The following SLC5A7 variants were observed in gnomAD, a reference collection of about 807,000 sequenced individuals.
SLC5A7 encodes high affinity choline transporter 1.
SLC5A7 carries 19 observed loss-of-function variants against 55.4 expected under a neutral mutation model. That is an observed-to-expected ratio of 0.34 (90% CI 0.24 to 0.50). SLC5A7 has a LOEUF of 0.50. Among genes scored for constraint, SLC5A7 ranks in the 20% least tolerant of loss-of-function variants. The probability of loss-of-function intolerance (pLI) is 0.98; values close to 1 mark genes in which losing one functional copy is unlikely to be tolerated. For missense variants in SLC5A7, 506 were observed against 705.3 expected (o/e 0.72, Z 3.20); for synonymous variants, 265 against 263.7 (o/e 1.00, Z -0.05).
intron 7 of SLC5A7, 61 bp downstream of exon 7, chr2:108,006,263 C>A: frequency 6.3e-7 from 1 of 1,584,584 alleles, no homozygotes. Flanking sequence ...ACCCAGACAC[C>A]CTTCTGTCCC....
chr2:107,991,472 G>T (rs186603258), intron 2 of SLC5A7, among the ~76,000 whole-genome samples: 13 of 152,200 alleles, frequency 8.5e-5, no homozygotes, highest in Admixed American at 5.9e-4. Flanking sequence ...ATAACTTAAG[G>T]TAGTAAGTAC....
intron 6 of SLC5A7, among the ~76,000 whole-genome samples, chr2:108,002,854 T>A (rs1021472724): frequency 3.1e-3 from 465 of 151,548 alleles, no homozygotes; most frequent in African/African-American, 0.011. Flanking sequence ...CCCATCTCTA[T>A]AAAAAAAAAT....
In SLC5A7 at chr2:107,988,274, A is replaced by C. The variant is rs770628227; in HGVS notation, c.119A>C (p.Glu40Ala). 3.8e-5 allele frequency: 61 copies of C among 1,614,072 alleles called. No homozygotes were observed. The highest frequency in any genetic ancestry group is 5.1e-5 in the Non-Finnish European group (60 of 1,180,024). The change falls in exon 2 of 9, where the codon GAA (glutamate) becomes GCA (alanine). Residue 40 changes from glutamate (E) to alanine (A), a missense_variant. By Grantham distance (107) the Glu-to-Ala change is moderately radical. Around this residue, in one of 4 missense-constraint regions of SLC5A7, gnomAD observed 56 missense variants for 62.6 expected, o/e 0.89. Transcript: ENST00000264047. The part of the protein sequence containing the change: ...KNSGSAEERS[E>A]AIIVGGRDIG... ...AGTGGCAGCGCAGAAGAGCGCAGCG[A>C]AGCCATCATAGTTGGTGGCCGAGAT...
intron 5 of SLC5A7, among the ~76,000 whole-genome samples, chr2:107,999,721 C>T (rs562500093): frequency 1.3e-5 from 2 of 152,286 alleles, no homozygotes; most frequent in African/African-American, 4.8e-5. Flanking sequence ...ATCATCACCC[C>T]TGGAGCTCCA....
rs748131882 is a variant in SLC5A7 at position 108,008,514 on chromosome 2, G to T, written c.945G>T (p.Glu315Asp). The change falls in exon 8 of 9, where the codon GAG (glutamate) becomes GAT (aspartate). Residue 315 changes from glutamate to aspartate, a missense_variant. By Grantham distance (45) the Glu-to-Asp change is conservative (BLOSUM62 2). Coordinates refer to ENST00000264047, the MANE Select transcript of SLC5A7 (RefSeq NM_021815.5). ...TTCCAGATCCCAAGACTACAGAAGA[G>T]GCAGACATGATTTTACCAATTGTTC... is the stretch of plus-strand genomic sequence containing the variant. ...YGLPDPKTTE[E>D]ADMILPIVLQ... 2.5e-6 allele frequency: 4 copies of T among 1,613,582 alleles called. No homozygotes were observed. Among genetic ancestry groups the T allele is most frequent in the Non-Finnish European group, 3.4e-6 (4 of 1,179,810 alleles).
chr2:108,001,794 A>G (rs1411102703), intron 5 of SLC5A7, 103 bp from the exon 6 acceptor site: 1 of 1,220,308 alleles, frequency 8.2e-7, no homozygotes, highest in Non-Finnish European at 1.1e-6. Flanking sequence ...TGTCTGAACT[A>G]GAGGAACTAC....
At chr2:108,002,752 C>T (rs927440730) in intron 6 of SLC5A7, among the ~76,000 whole-genome samples, 2 of 152,106 alleles carry the variant, frequency 1.3e-5, no homozygotes, top group African/African-American at 4.8e-5. Context: ...TGTGGTGGCT[C>T]ACCCTGGTAA....
At chr2:107,995,581 C>A (rs1188332303) in intron 4 of SLC5A7, among the ~76,000 whole-genome samples, 1 of 151,594 alleles carries the variant, frequency 6.6e-6, no homozygotes, top group Admixed American at 6.6e-5. Flanking sequence ...ATGCAGTATA[C>A]CCAGGTAACA....
In SLC5A7 at chr2:108,012,866, G is replaced by A. The variant is rs1414214415; in HGVS notation, c.*2005G>A. Reference sequence around the variant, plus strand: ...GACACATAAAAGTAATTAATTGCTGGAGACTACAATTCCTGGCAAACACCA... The same window carrying A: ...GACACATAAAAGTAATTAATTGCTGAAGACTACAATTCCTGGCAAACACCA... On this transcript the variant is annotated 3_prime_UTR_variant, in exon 9 of 9. Coordinates refer to ENST00000264047, the MANE Select transcript of SLC5A7 (RefSeq NM_021815.5). 1 of 152,206 alleles carries A rather than the reference G, an allele frequency of 6.6e-6. No homozygotes were observed. The highest frequency in any genetic ancestry group is 1.9e-4 in the East Asian group (1 of 5,172). The allele number at this position is 152,206 out of a possible 1,614,324, so 9.4% of individuals were successfully genotyped here.
Position 107,988,135 on chromosome 2 carries a change from A to T in SLC5A7, c.-21A>T. 6.2e-7 allele frequency: 1 copy of T among 1,608,276 alleles called. No homozygotes were observed. On this transcript the variant is annotated 5_prime_UTR_variant, in exon 2 of 9. Transcript: ENST00000264047. ...TTAATGAAGTAGCCAGCTGCAGAAG[A>T]ATCTGGATCATTAGATAAAAATGGC...
At chr2:107,993,341 T>A (rs921528090) in intron 4 of SLC5A7, among the ~76,000 whole-genome samples, 1 of 152,248 alleles carries the variant, frequency 6.6e-6, no homozygotes, top group Non-Finnish European at 1.5e-5. Context: ...CTTTCCATAC[T>A]TGAATTGCCT....
rs1194099959 is a variant in SLC5A7, at chr2:108,010,507, T to C, written c.1389T>C (p.Pro463=). Residue 463 remains proline, a synonymous_variant, in exon 9 of 9, where the codon CCT becomes CCC. Transcript: ENST00000264047. ...ATCTTCAGCCCTTGATCTTCTACCC[T>C]GGCTATTACCCTGATGATAATGGTA... ...YLYLQPLIFY[P]GYYPDDNGIY... 14 of 1,613,874 alleles carry C rather than the reference T, an allele frequency of 8.7e-6. No individual in the cohort carries two copies. Among genetic ancestry groups the C allele is most frequent in the Non-Finnish European group, 1.2e-5 (14 of 1,179,924 alleles).
rs766515861 is a variant in SLC5A7 at position 108,008,688 on chromosome 2, A to G, written c.1113+6A>G. 7 of 1,610,266 alleles carry G rather than the reference A, an allele frequency of 4.3e-6. No individual in the cohort carries two copies. The highest frequency in any genetic ancestry group is 5.9e-6 in the Non-Finnish European group (7 of 1,178,170). On this transcript the variant is annotated splice_donor_region_variant and intron_variant, in intron 8 of 8. Transcript: ENST00000264047. ...AGCTTTCCTTCAGACAAAATGTAAG[A>G]ACAGTTTCTTTCAACCTGACATTTA...
At chr2:107,994,729 A>ATTGGGCTCTCAGGTGAGTTGCAAT (rs1677602437) in intron 4 of SLC5A7, among the ~76,000 whole-genome samples, 2 of 152,192 alleles carry the variant, frequency 1.3e-5, no homozygotes, top group Admixed American at 1.3e-4. Flanking sequence ...GACTCTCATT[A>ATTGGGCTCTCAGGTGAGTTGCAAT]GCTGAGTTGC....
intron 2 of SLC5A7, among the ~76,000 whole-genome samples, chr2:107,991,376 A>G (rs769226457): frequency 2.4e-4 from 36 of 152,194 alleles, no homozygotes; most frequent in Non-Finnish European, 4.1e-4. Context: ...TCTGAGTGCT[A>G]GGTAGTCTAG....
At position 108,008,530 on chromosome 2, in the gene SLC5A7, C is replaced by G. The variant is rs1678202113; in HGVS notation, c.961C>G (p.Pro321Ala). The G allele has an allele frequency of 6.2e-7, 1 of 1,613,554 alleles. No individual in the cohort carries two copies. The highest frequency in any genetic ancestry group is 1.7e-5 in the Admixed American group (1 of 59,922). ...KTTEEADMILPIVLQYLCPVY... is the reference protein window; with the variant it reads ...KTTEEADMILAIVLQYLCPVY... ...TACAGAAGAGGCAGACATGATTTTACCAATTGTTCTGCAGTATCTCTGCCC... is the reference window on the plus strand; with the variant it reads ...TACAGAAGAGGCAGACATGATTTTAGCAATTGTTCTGCAGTATCTCTGCCC... The change falls in exon 8 of 9, where the codon CCA (proline) becomes GCA (alanine). Residue 321 changes from proline to alanine, a missense_variant. By Grantham distance (27) the Pro-to-Ala change is conservative. Around this residue, in one of 4 missense-constraint regions of SLC5A7, gnomAD observed 309 missense variants for 478.6 expected, o/e 0.65. Coordinates refer to ENST00000264047, the MANE Select transcript of SLC5A7 (RefSeq NM_021815.5).
At chr2:107,995,465 G>C (rs1677632663) in intron 4 of SLC5A7, among the ~76,000 whole-genome samples, 1 of 112,538 alleles carries the variant, frequency 8.9e-6, no homozygotes, top group Non-Finnish European at 2.0e-5. Context: ...GAGAGAGAGA[G>C]AGAGAGTGTG....
intron 6 of SLC5A7, among the ~76,000 whole-genome samples, chr2:108,004,199 G>A (rs1678021325): frequency 6.6e-6 from 1 of 152,184 alleles, no homozygotes; most frequent in Admixed American, 6.5e-5. Context: ...AAAAACTTCT[G>A]ATGACCTAAA....
rs1018458129 is a variant in SLC5A7, at chr2:108,012,558, A to G, written c.*1697A>G. ...GATAATTTTTAAAAGAGGAAATTAA[A>G]TAATTTTACATGTCTCATATTTTCA... On this transcript the variant is annotated 3_prime_UTR_variant, in exon 9 of 9. Coordinates refer to ENST00000264047, the MANE Select transcript of SLC5A7 (RefSeq NM_021815.5). 2.6e-5 allele frequency: 4 copies of G among 152,156 alleles called. No homozygotes were observed. The highest frequency in any genetic ancestry group is 5.9e-5 in the Non-Finnish European group (4 of 68,018). 9.4% of individuals were successfully genotyped at this position (152,156 alleles called of 1,614,324 possible).
Sources: gnomAD v4.1 joint callset for allele counts (sites outside exome capture counted in the v4.1 genomes callset) on GRCh38, gnomAD v4.1.1 for gene constraint, gnomAD v4.1.1 regional missense constraint, MANE v1.5 for transcripts, NCBI Gene and HGNC (gene_info 2026-07-23, HGNC 2026-07-21) for gene names.